The following TASOR2 variants were observed in gnomAD, a reference collection of about 807,000 sequenced individuals.
The protein encoded by TASOR2 is protein TASOR 2.
A neutral mutation model predicts 199.5 loss-of-function variants in TASOR2; 84 were observed. The observed-to-expected ratio is 0.42, with a 90% confidence interval of 0.35 to 0.50. TASOR2 has a LOEUF of 0.50. Among genes scored for constraint, TASOR2 ranks in the 20% least tolerant of loss-of-function variants. TASOR2 has a pLI of 0.02. For synonymous variants in TASOR2, 1,103 were observed against 1,046.6 expected (o/e 1.05, Z -1.04); for missense variants, 2,796 against 2,835.9 (o/e 0.99, Z 0.32).
intron 2 of TASOR2, among the ~76,000 whole-genome samples, chr10:5,713,141 G>T (rs1336581810): frequency 6.6e-6 from 1 of 152,090 alleles, no homozygotes; most frequent in East Asian, 1.9e-4. Flanking sequence ...AAATACATTT[G>T]TAAGCTTAGG....
intron 2 of TASOR2, 138 bp from the exon 4 acceptor site, chr10:5,717,521 A>T (rs1832810748): frequency 2.6e-6 from 1 of 385,450 alleles, no homozygotes; most frequent in Non-Finnish European, 4.5e-6. Flanking sequence ...CTCGTTTTTC[A>T]CTGCTGCTGC....
chr10:5,716,913 A>T (rs983170257), intron 2 of TASOR2, among the ~76,000 whole-genome samples: 1 of 147,570 alleles, frequency 6.8e-6, no homozygotes, highest in African/African-American at 2.5e-5. Context: ...TATAAATATA[A>T]ATATATATAT....
At chr10:5,715,039 G>A (rs1159772833) in intron 2 of TASOR2, among the ~76,000 whole-genome samples, 1 of 152,082 alleles carries the variant, frequency 6.6e-6, no homozygotes, top group Admixed American at 6.6e-5. Flanking sequence ...GAGGTACAGC[G>A]AGGATAGAAC....
At chr10:5,733,279 G>A (rs1401401754) in intron 11 of TASOR2, among the ~76,000 whole-genome samples, 2 of 152,030 alleles carry the variant, frequency 1.3e-5, no homozygotes, top group South Asian at 2.1e-4. Flanking sequence ...AGGCTGAGGC[G>A]GGTGGATCAC....
rs1268200639 is a variant in TASOR2, at chr10:5,730,810, A to G, written c.811A>G (p.Ile271Val). 11 of 1,614,162 alleles carry G rather than the reference A, an allele frequency of 6.8e-6. No individual in the cohort carries two copies. Among genetic ancestry groups the G allele is most frequent in the Admixed American group, 1.7e-5 (1 of 60,024 alleles). The change falls in exon 11 of 21, where the codon ATT becomes GTT. Residue 271 changes from isoleucine to valine, a missense_variant. Transcript: ENST00000328090. This position sits in a 1 kb window ranked among gnomAD's most constrained non-coding sequence, Gnocchi z 4.1. ...TTATTTTTCAGACCCTAGTGCTTACATTTTGGAAGTGTCTACTGCTTTGGA... is the reference window on the plus strand; with the variant it reads ...TTATTTTTCAGACCCTAGTGCTTACGTTTTGGAAGTGTCTACTGCTTTGGA...
In TASOR2 at chr10:5,717,658, G is replaced by A. The variant is rs972662412; in HGVS notation, c.-191-1G>A. ...TTAATCTATATTTTATACTTTTACA[G>A]GTGTATACATTTCCAAATACTCCGA... On this transcript the variant is annotated splice_acceptor_variant, in intron 2 of 20. Coordinates refer to ENST00000328090, the Ensembl canonical transcript of TASOR2. LOFTEE classifies it low-confidence loss of function (5UTR_SPLICE). The A allele has an allele frequency of 1.7e-6, 2 of 1,189,072 alleles. No homozygotes were observed. The highest frequency in any genetic ancestry group is 1.6e-5 in the African/African-American group (1 of 63,482). 73.7% of individuals were successfully genotyped at this position (1,189,072 alleles called of 1,614,324 possible).
At chr10:5,702,388 C>A (rs914912393) in intron 1 of TASOR2, among the ~76,000 whole-genome samples, 2 of 152,036 alleles carry the variant, frequency 1.3e-5, no homozygotes, top group African/African-American at 4.8e-5. Context: ...CTATGTTTAT[C>A]TGTGATATTG....
intron 19 of TASOR2, among the ~76,000 whole-genome samples, chr10:5,762,091 C>T (rs1839937166): frequency 6.6e-6 from 1 of 152,198 alleles, no homozygotes; most frequent in East Asian, 1.9e-4. Flanking sequence ...GCCTGGGCAA[C>T]TTAGCGAGAC....
intron 14 of TASOR2, 117 bp from the exon 16 acceptor site, chr10:5,746,062 G>T: frequency 8.5e-7 from 1 of 1,182,488 alleles, no homozygotes; most frequent in Non-Finnish European, 1.1e-6. Context: ...AAATTCAGAA[G>T]AACATTCACA....
chr10:5,739,593 C>CTTTTTTTTT, intron 12 of TASOR2, 25 bp from the exon 14 acceptor site: 1 of 1,422,952 alleles, frequency 7.0e-7, no homozygotes, highest in Non-Finnish European at 9.6e-7. Context: ...AAACATCTCT[C>CTTTTTTTTT]TTTTTTTTTT....
rs150522406 is a variant in TASOR2 at position 5,743,064 on chromosome 10, A to G, written c.2757+538A>G. Among the ~76,000 whole-genome samples the G allele has an allele frequency of 1.1e-3, 169 of 152,372 alleles. 1 individual carries two copies. Among genetic ancestry groups the G allele is most frequent in the African/African-American group, 3.9e-3 (163 of 41,584 alleles). On this transcript the variant is annotated intron_variant, in intron 14 of 20. Transcript: ENST00000328090. ...TACTTTGTTTTGTTCCTTGTTCTCA[A>G]CTGACATTCAACCAGGCCAGATAAT...
At chr10:5,762,331 G>GTACTT (rs1035093122) in intron 19 of TASOR2, among the ~76,000 whole-genome samples, 8 of 149,648 alleles carry the variant, frequency 5.3e-5, no homozygotes, top group Admixed American at 2.0e-4. Flanking sequence ...TTTTTTTTCA[G>GTACTT]TACTTTAACC....
rs1836521149 is a variant in TASOR2 at position 5,742,124 on chromosome 10, T to C, written c.2355T>C (p.Asn785=). Residue 785 remains asparagine (N), a synonymous_variant, in exon 14 of 21, where the codon AAT becomes AAC. Transcript: ENST00000328090. The surrounding 1 kb of genome is among the most constrained non-coding windows in gnomAD (Gnocchi z 4.2). ...CCTGGAATACTGATTTGCCTGATAA[T>C]GTGGAAGAAGTGAAGCTTTTACTTC... is the stretch of plus-strand genomic sequence containing the variant. The C allele has an allele frequency of 1.2e-6, 2 of 1,614,120 alleles. No individual in the cohort carries two copies. Among genetic ancestry groups the C allele is most frequent in the Non-Finnish European group, 1.7e-6 (2 of 1,180,008 alleles).
At chr10:5,762,254 A>T (rs200852285) in intron 19 of TASOR2, among the ~76,000 whole-genome samples, 5 of 3,950 alleles carry the variant, frequency 1.3e-3, no homozygotes, top group Admixed American at 4.0e-3. Context: ...ATCTATCTTT[A>T]AAAAAAAAAA....
chr10:5,746,630 A>G (rs1157506731), exon 15 of TASOR2: 3 of 1,614,060 alleles, frequency 1.9e-6, no homozygotes, highest in African/African-American at 2.7e-5. Context: ...GAAGGTGTAA[A>G]TACTGCTGAT....
At position 5,719,447 on chromosome 10, in the gene TASOR2, A is replaced by G. The variant is rs951582411; in HGVS notation, c.-99-1097A>G. 5.9e-5 allele frequency among the ~76,000 whole-genome samples: 9 copies of G among 152,084 alleles called. No homozygotes were observed. Among genetic ancestry groups the G allele is most frequent in the Admixed American group, 1.3e-4 (2 of 15,270 alleles). ...AACCTCCACCTCCCGGGTTCAAGCA[A>G]TTTTCCTACCTCAGCCTCCCAAGTG... On this transcript the variant is annotated intron_variant, in intron 3 of 20. Coordinates refer to ENST00000328090, the Ensembl canonical transcript of TASOR2. The surrounding 1 kb of genome is among the most constrained non-coding windows in gnomAD (Gnocchi z 4.1).
intron 15 of TASOR2, among the ~76,000 whole-genome samples, chr10:5,755,625 A>C (rs976953358): frequency 6.6e-6 from 1 of 152,004 alleles, no homozygotes; most frequent in African/African-American, 2.4e-5. Flanking sequence ...CACTTTTATG[A>C]AGGAAATAAG....
At chr10:5,697,351 T>G (rs1414291148) in intron 1 of TASOR2, among the ~76,000 whole-genome samples, 2 of 152,152 alleles carry the variant, frequency 1.3e-5, no homozygotes, top group African/African-American at 4.8e-5. Flanking sequence ...GTTCCAACAG[T>G]TCTGTGACAA....
At chr10:5,716,756 A>G (rs1348255731) in intron 2 of TASOR2, among the ~76,000 whole-genome samples, 2 of 152,068 alleles carry the variant, frequency 1.3e-5, no homozygotes, top group Non-Finnish European at 2.9e-5. Context: ...CTCTACTAAA[A>G]ATACAAAAAT....
Sources: allele counts gnomAD v4.1 joint callset (sites outside exome capture counted in the v4.1 genomes callset), GRCh38; gene constraint gnomAD v4.1.1; non-coding constraint Gnocchi (gnomAD v3.1); transcripts MANE v1.5; gene names NCBI Gene and HGNC (gene_info 2026-07-23, HGNC 2026-07-21).